The following UST variants were observed in gnomAD, a reference collection of about 807,000 sequenced individuals.
The protein encoded by UST is chondroitin sulfate 2-O-sulfotransferase.
A neutral mutation model predicts 45.6 loss-of-function variants in UST; 21 were observed. The ratio of observed to expected loss-of-function variants is 0.46; its 90% CI spans 0.33 to 0.66. UST has a LOEUF of 0.66. Among genes scored for constraint, UST ranks in the 30% least tolerant of loss-of-function variants. The pLI, the probability that UST is intolerant of heterozygous loss-of-function variation, is 0.02. For missense variants in UST, 463 were observed against 512.4 expected, an observed-to-expected ratio of 0.90 and a Z score of 0.93; for synonymous variants, 215 against 200.6, an observed-to-expected ratio of 1.07 and a Z score of -0.61.
intron 4 of UST, among the ~76,000 whole-genome samples, chr6:148,954,423 A>G (rs1780440489): frequency 6.6e-6 from 1 of 152,240 alleles, no homozygotes; most frequent in Admixed American, 6.5e-5. Context: ...ATTTTGGTCA[A>G]TGACAGACCT....
intron 1 of UST, among the ~76,000 whole-genome samples, chr6:148,776,994 C>G (rs1776547620): frequency 6.6e-6 from 1 of 152,160 alleles, no homozygotes; most frequent in South Asian, 2.1e-4. Flanking sequence ...CTCTCCATCC[C>G]ACTAACCTGC....
intron 1 of UST, among the ~76,000 whole-genome samples, chr6:148,758,256 C>A (rs1179440614): frequency 2.0e-5 from 3 of 152,190 alleles, no homozygotes; most frequent in Admixed American, 2.0e-4. Flanking sequence ...CTGACAAGTT[C>A]CGGTAATTCA....
intron 1 of UST, among the ~76,000 whole-genome samples, chr6:148,761,956 A>G (rs748191498): frequency 1.3e-5 from 2 of 152,200 alleles, no homozygotes; most frequent in Non-Finnish European, 2.9e-5. Context: ...CCAGAAAACC[A>G]CATAAATATA....
chr6:149,017,772 C>T (rs976689537), intron 5 of UST, among the ~76,000 whole-genome samples: 2 of 148,534 alleles, frequency 1.3e-5, no homozygotes, highest in South Asian at 2.2e-4. Context: ...AATAAATAAA[C>T]TCATTGCAGC....
At chr6:149,025,579 G>T (rs1193788150) in intron 7 of UST, among the ~76,000 whole-genome samples, 1 of 152,142 alleles carries the variant, frequency 6.6e-6, no homozygotes, top group African/African-American at 2.4e-5. Context: ...GCCCCAGCAG[G>T]TTTACTCGGT....
intron 3 of UST, among the ~76,000 whole-genome samples, chr6:148,949,023 G>T (rs1024343794): frequency 1.3e-5 from 2 of 152,124 alleles, no homozygotes; most frequent in African/African-American, 4.8e-5. Context: ...GGGCACGGTG[G>T]CTCACACCTG....
chr6:148,906,874 G>C (rs181682723), intron 2 of UST, among the ~76,000 whole-genome samples: 151 of 152,276 alleles, frequency 9.9e-4, no homozygotes, highest in Middle Eastern at 3.4e-3. Context: ...ATGAGTTAGT[G>C]GGTTTGATGT....
chr6:148,902,219 C>A (rs1779273864), intron 2 of UST, among the ~76,000 whole-genome samples: 1 of 151,962 alleles, frequency 6.6e-6, no homozygotes, highest in African/African-American at 2.4e-5. Context: ...GTTCTGGAAA[C>A]TTTGCTTGAT....
At chr6:148,795,342 G>T (rs1776928833) in intron 1 of UST, among the ~76,000 whole-genome samples, 1 of 152,132 alleles carries the variant, frequency 6.6e-6, no homozygotes, top group Admixed American at 6.5e-5. Flanking sequence ...ACGGTGAGAG[G>T]CCTGTCCTGG....
chr6:148,958,820 G>T (rs1780583063), intron 4 of UST, among the ~76,000 whole-genome samples: 1 of 152,152 alleles, frequency 6.6e-6, no homozygotes, highest in East Asian at 1.9e-4. Context: ...ATGTGCTTTT[G>T]CAGGGAAACC....
intron 5 of UST, among the ~76,000 whole-genome samples, chr6:148,994,661 GT>G (rs1038865534): frequency 6.6e-6 from 1 of 152,178 alleles, no homozygotes; most frequent in Non-Finnish European, 1.5e-5. Flanking sequence ...CTAGTCAAGA[GT>G]TTCACTGTGG....
At chr6:148,774,166 C>T (rs1030132292) in intron 1 of UST, among the ~76,000 whole-genome samples, 2 of 152,064 alleles carry the variant, frequency 1.3e-5, no homozygotes, top group African/African-American at 2.4e-5. Context: ...TCAGGTAGAT[C>T]ACCAACAGAT....
intron 3 of UST, among the ~76,000 whole-genome samples, chr6:148,943,017 G>T (rs1003512300): frequency 2.0e-5 from 3 of 151,576 alleles, no homozygotes; most frequent in African/African-American, 7.3e-5. Context: ...GTATAAGATT[G>T]TACATACAGT....
intron 5 of UST, among the ~76,000 whole-genome samples, chr6:149,007,115 CTTTTTT>C (rs35867213): frequency 3.1e-3 from 237 of 77,666 alleles, no homozygotes; most frequent in African/African-American, 0.012. Flanking sequence ...TCCAGGCAAG[CTTTTTT>C]TTTTTTTTTT....
At chr6:148,980,332 C>T (rs764477535) in intron 5 of UST, among the ~76,000 whole-genome samples, 12 of 152,152 alleles carry the variant, frequency 7.9e-5, no homozygotes, top group African/African-American at 1.2e-4. Context: ...CTTCTCTCCA[C>T]GGCTGCTGCC....
intron 7 of UST, among the ~76,000 whole-genome samples, chr6:149,024,382 A>G (rs1465457760): frequency 1.3e-5 from 2 of 152,216 alleles, no homozygotes; most frequent in Admixed American, 6.5e-5. Context: ...TATATGCCCA[A>G]TAAAATGAAC....
intron 5 of UST, among the ~76,000 whole-genome samples, chr6:148,997,414 A>T (rs1198892110): frequency 2.0e-5 from 3 of 152,212 alleles, no homozygotes; most frequent in African/African-American, 7.2e-5. Context: ...CCCACTGAAA[A>T]CACAGTCCAA....
chr6:148,964,868 T>G (rs1488284228), intron 5 of UST, among the ~76,000 whole-genome samples: 2 of 152,136 alleles, frequency 1.3e-5, no homozygotes, highest in Non-Finnish European at 2.9e-5. Context: ...AGCACTGTAG[T>G]GCTTAAGAAG....
intron 1 of UST, among the ~76,000 whole-genome samples, chr6:148,818,048 A>T (rs560918842): frequency 6.6e-6 from 1 of 152,314 alleles, no homozygotes; most frequent in Non-Finnish European, 1.5e-5. Context: ...AAGGATGAAC[A>T]TTTACCTGAT....
Sources: allele counts gnomAD v4.1 joint callset (sites outside exome capture counted in the v4.1 genomes callset), GRCh38; gene constraint gnomAD v4.1.1; transcripts MANE v1.5; gene names NCBI Gene and HGNC (gene_info 2026-07-23, HGNC 2026-07-21).